NCAM1: variants seen among roughly 807,000 people sequenced by gnomAD.
NCAM1 encodes neural cell adhesion molecule 1.
Under a neutral mutation model 109.8 loss-of-function variants are expected in NCAM1, and 14 were observed. That is an observed-to-expected ratio of 0.13 (90% CI 0.08 to 0.20). The LOEUF (loss-of-function observed/expected upper bound fraction) is 0.20. Ranked by LOEUF, NCAM1 falls within the 10% of genes least tolerant of loss-of-function variation. NCAM1 has a pLI of 1.00. For synonymous variants in NCAM1, 418 were observed against 442.9 expected, an observed-to-expected ratio of 0.94 and a Z score of 0.70; for missense variants, 774 against 1,109.9, an observed-to-expected ratio of 0.70 and a Z score of 4.30.
intron 1 of NCAM1, among the ~76,000 whole-genome samples, chr11:113,095,450 T>C (rs1387719467): frequency 1.3e-5 from 2 of 152,130 alleles, no homozygotes; most frequent in Non-Finnish European, 2.9e-5. Context: ...AGCTACACAG[T>C]CCAGCAATTG....
At chr11:113,055,461 G>A (rs1953661285) in intron 1 of NCAM1, among the ~76,000 whole-genome samples, 2 of 152,174 alleles carry the variant, frequency 1.3e-5, no homozygotes, top group Admixed American at 1.3e-4. Context: ...GAATTCTCTA[G>A]TAACCTAAAA....
intron 14 of NCAM1, among the ~76,000 whole-genome samples, chr11:113,239,680 G>A (rs1181559511): frequency 6.6e-6 from 1 of 151,842 alleles, no homozygotes; most frequent in Non-Finnish European, 1.5e-5. Flanking sequence ...TCCCCCAGGT[G>A]GCACATTGCA....
At chr11:112,986,060 CT>C (rs1201000922) in intron 1 of NCAM1, among the ~76,000 whole-genome samples, 1 of 151,666 alleles carries the variant, frequency 6.6e-6, no homozygotes, top group Non-Finnish European at 1.5e-5. Flanking sequence ...CATATATGAC[CT>C]TTATTATGTT....
At chr11:113,110,463 C>T (rs56268408) in intron 1 of NCAM1, among the ~76,000 whole-genome samples, 13,033 of 152,144 alleles carry the variant, frequency 0.086, 732 homozygotes, top group East Asian at 0.12. Flanking sequence ...ATCCTCATCT[C>T]CCCTAAATTC....
In NCAM1 at chr11:113,072,960, C is replaced by T. The variant is rs779150096; in HGVS notation, c.52+111296C>T. Among the ~76,000 whole-genome samples the T allele has an allele frequency of 7.2e-5, 11 of 152,080 alleles. No homozygotes were observed. The East Asian group carries it at 7.7e-4, about 11-fold the overall frequency. ...AACTCCCATCACTACCATCCATCTC[C>T]GGAATTCTTTTCATTTTGTAAAACC... On this transcript the variant is annotated intron_variant, in intron 1 of 19. Coordinates refer to ENST00000316851, the MANE Select transcript of NCAM1 (RefSeq NM_181351.5).
Position 113,068,442 on chromosome 11 carries a change from T to TTTATTTTATAAA in NCAM1, c.52+106778_52+106779insTTATTTTATAAA, listed in dbSNP as rs1555084633. The stretch of plus-strand genomic sequence containing the variant: ...ATTTTGTATAAAACACTTGGCACAG[T>TTTATTTTATAAA]GCATGGCACCTGGGATGTCCTTAGT... On this transcript the variant is annotated intron_variant, in intron 1 of 19. Transcript: ENST00000316851. Among the ~76,000 whole-genome samples, 19 of 152,340 alleles carry TTTATTTTATAAA rather than the reference T, an allele frequency of 1.2e-4. No homozygotes were observed. The South Asian group carries it at 1.9e-3, about 15-fold the overall frequency.
chr11:113,253,990 G>A (rs1945769165), intron 15 of NCAM1, among the ~76,000 whole-genome samples: 1 of 152,188 alleles, frequency 6.6e-6, no homozygotes, highest in African/African-American at 2.4e-5. Flanking sequence ...AATACAATTT[G>A]TAAAGTTCTC....
intron 1 of NCAM1, among the ~76,000 whole-genome samples, chr11:112,986,688 C>T (rs1216168863): frequency 1.3e-5 from 2 of 151,956 alleles, no homozygotes; most frequent in Non-Finnish European, 2.9e-5. Context: ...AATTTGTTGG[C>T]ATATAATCTT....
intron 1 of NCAM1, among the ~76,000 whole-genome samples, chr11:113,124,631 T>C (rs1201198910): frequency 6.6e-6 from 1 of 152,232 alleles, no homozygotes; most frequent in Non-Finnish European, 1.5e-5. Flanking sequence ...GCATAGCTCC[T>C]GATGATAACT....
At chr11:113,216,941 TCTC>T (rs1225874404) in intron 8 of NCAM1, among the ~76,000 whole-genome samples, 1 of 152,190 alleles carries the variant, frequency 6.6e-6, no homozygotes, top group Non-Finnish European at 1.5e-5. Flanking sequence ...CTCCTCATGT[TCTC>T]CTCCATCCGA....
rs544790658 is a variant in NCAM1, at chr11:113,144,288, T to A, written c.53-58091T>A. On this transcript the variant is annotated intron_variant, in intron 1 of 19. Coordinates refer to ENST00000316851, the MANE Select transcript of NCAM1 (RefSeq NM_181351.5). ...TGATTATAACTGGTCTTTGTCATGA[T>A]GACCCTCGGCCGTTACAGTCTTCCA... Among the ~76,000 whole-genome samples the A allele has an allele frequency of 2.0e-5, 3 of 152,360 alleles. No individual in the cohort carries two copies. The South Asian group carries it at 6.2e-4, about 32-fold the overall frequency.
chr11:113,074,087 GA>G (rs1555085711), intron 1 of NCAM1, among the ~76,000 whole-genome samples: 1 of 152,190 alleles, frequency 6.6e-6, no homozygotes, highest in African/African-American at 2.4e-5. Flanking sequence ...GGAGCACCTT[GA>G]AAATAAGGTA....
rs1555112024 is a variant in NCAM1, at chr11:113,202,413, G to A, written c.87G>A (p.Gly29=). 1 of 1,613,362 alleles carries A rather than the reference G, an allele frequency of 6.2e-7. No individual in the cohort carries two copies. Among genetic ancestry groups the A allele is most frequent in the South Asian group, 1.1e-5 (1 of 90,898 alleles). ...SLQVDIVPSQ[G]EISVGESKFF... ...AGGTGGATATTGTTCCCAGCCAGGGGGAGATCAGCGTTGGAGAGTCCAAAT... is the reference window on the plus strand; with the variant it reads ...AGGTGGATATTGTTCCCAGCCAGGGAGAGATCAGCGTTGGAGAGTCCAAAT... The change falls in exon 2 of 20, where the codon GGG becomes GGA. Residue 29 remains glycine, a synonymous_variant. Transcript: ENST00000316851.
chr11:113,110,646 C>G (rs962378550), intron 1 of NCAM1, among the ~76,000 whole-genome samples: 8 of 151,978 alleles, frequency 5.3e-5, no homozygotes. Flanking sequence ...ATTAATATTC[C>G]CAAGGTAATG....
In NCAM1 at chr11:113,273,966, G is replaced by T. The variant is rs1946352926; in HGVS notation, c.2457-1301G>T. The T allele has an allele frequency of 6.2e-6, 1 of 161,832 alleles. No homozygotes were observed. Among genetic ancestry groups the T allele is most frequent in the Non-Finnish European group, 1.4e-5 (1 of 73,726 alleles). 10.0% of individuals were successfully genotyped at this position (161,832 alleles called of 1,614,324 possible). On this transcript the variant is annotated intron_variant, in intron 19 of 19. Coordinates refer to ENST00000316851, the MANE Select transcript of NCAM1 (RefSeq NM_181351.5). The surrounding 1 kb of genome is among the most constrained non-coding windows in gnomAD (Gnocchi z 6.0). The stretch of plus-strand genomic sequence containing the variant: ...TGGCTAATTAGGCCATGTTAATTAT[G>T]TTTTATCCTTATCATCCTAGCAGCG...
rs368835231 is a variant in NCAM1, at chr11:113,161,318, A to T, written c.53-41061A>T. On this transcript the variant is annotated intron_variant, in intron 1 of 19. Transcript: ENST00000316851. ...AGAACGTTTCATTTCTGCTCCTTAC[A>T]TCTACATAGTATTTTAAAATTGGTG... is the stretch of plus-strand genomic sequence containing the variant. 2.2e-3 allele frequency among the ~76,000 whole-genome samples: 331 copies of T among 152,272 alleles called. 2 individuals carry two copies. The highest frequency in any genetic ancestry group is 0.01 in the Middle Eastern group (3 of 294).
chr11:112,966,547 C>G (rs12295969), intron 1 of NCAM1, among the ~76,000 whole-genome samples: 13,322 of 152,206 alleles, frequency 0.088, 1,200 homozygotes, highest in African/African-American at 0.19. Flanking sequence ...ATACAGAAGT[C>G]AATCTGAAGG....
At chr11:113,204,755 G>T (rs1213504041) in intron 3 of NCAM1, among the ~76,000 whole-genome samples, 1 of 152,094 alleles carries the variant, frequency 6.6e-6, no homozygotes, top group Admixed American at 6.5e-5. Flanking sequence ...GGCTATTACG[G>T]GTTTCTCTAT....
chr11:113,262,916 G>A (rs782545374), intron 17 of NCAM1: 3 of 1,613,628 alleles, frequency 1.9e-6, no homozygotes, highest in East Asian at 2.2e-5. Flanking sequence ...CTCTTCTTTT[G>A]CTCTGTTAGG....
Sources: gnomAD v4.1 joint callset for allele counts (sites outside exome capture counted in the v4.1 genomes callset) on GRCh38, gnomAD v4.1.1 for gene constraint, Gnocchi (gnomAD v3.1) non-coding constraint, MANE v1.5 for transcripts, NCBI Gene and HGNC (gene_info 2026-07-23, HGNC 2026-07-21) for gene names.